Variants in ZNF143 observed in about 807,000 individuals in gnomAD.
The protein encoded by ZNF143 is SPH-binding factor.
A neutral mutation model predicts 74.1 loss-of-function variants in ZNF143; 49 were observed. The ratio of observed to expected loss-of-function variants is 0.66; its 90% CI spans 0.53 to 0.84. The LOEUF (loss-of-function observed/expected upper bound fraction) is 0.84. Among genes scored for constraint, ZNF143 ranks in the 40% least tolerant of loss-of-function variants. ZNF143 has a pLI of 0.00. For synonymous variants in ZNF143, 304 were observed against 282.8 expected (o/e 1.07, Z -0.75); for missense variants, 637 against 793.4 (o/e 0.80, Z 2.37).
intron 11 of ZNF143, among the ~76,000 whole-genome samples, chr11:9,503,965 T>C (rs968285038): frequency 4.5e-5 from 6 of 132,418 alleles, no homozygotes; most frequent in African/African-American, 1.4e-4. Flanking sequence ...TTTTTTTTTT[T>C]TTTTTTTTTT....
At chr11:9,525,502 A>C in intron 15 of ZNF143, 116 bp downstream of exon 15, 14 of 1,335,222 alleles carry the variant, frequency 1.0e-5, no homozygotes, top group African/African-American at 1.4e-5. Context: ...AATAATCTCT[A>C]TCACCTAGCC....
rs1171330322 is a variant in ZNF143 at position 9,485,337 on chromosome 11, TTC to T, written c.645+5801_645+5802del. Among the ~76,000 whole-genome samples the T allele has an allele frequency of 6.0e-5, 9 of 149,492 alleles. 2 individuals are homozygous for T. Among genetic ancestry groups the T allele is most frequent in the South Asian group, 4.2e-4 (2 of 4,788 alleles). Reference sequence around the variant, plus strand: ...AGAAATCTGCTTTGTTGTTGTTTTTTTCTCTCTCTCTTTTTTTTTTTTTTTTT... The same window carrying T: ...AGAAATCTGCTTTGTTGTTGTTTTTTTCTCTCTCTTTTTTTTTTTTTTTTT... On this transcript the variant is annotated intron_variant, in intron 7 of 15. Coordinates refer to ENST00000396602, the MANE Select transcript of ZNF143 (RefSeq NM_003442.6).
chr11:9,509,907 A>T (rs906623965), intron 12 of ZNF143, among the ~76,000 whole-genome samples: 24 of 152,214 alleles, frequency 1.6e-4, no homozygotes, highest in African/African-American at 5.8e-4. Context: ...TCTGCACAGC[A>T]TGTGACTACA....
chr11:9,480,639 A>G (rs975796748), intron 7 of ZNF143, among the ~76,000 whole-genome samples: 3 of 152,146 alleles, frequency 2.0e-5, no homozygotes, highest in African/African-American at 7.2e-5. Flanking sequence ...TAATCCCAGC[A>G]CTTTGGGAGG....
chr11:9,519,254 C>T (rs1166468380), intron 14 of ZNF143, among the ~76,000 whole-genome samples: 1 of 151,580 alleles, frequency 6.6e-6, no homozygotes, highest in Non-Finnish European at 1.5e-5. Flanking sequence ...CTCTGTCACC[C>T]TGGCTGGAGT....
chr11:9,496,257 A>T, intron 8 of ZNF143, 46 bp from the exon 9 acceptor site: 1 of 1,564,438 alleles, frequency 6.4e-7, no homozygotes, highest in Non-Finnish European at 8.8e-7. Flanking sequence ...CATCTTCCTG[A>T]GGAATACGTA....
chr11:9,482,196 T>G lies in ZNF143; in HGVS notation c.645+2650T>G, dbSNP rs868309961. On this transcript the variant is annotated intron_variant, in intron 7 of 15. Coordinates refer to ENST00000396602, the MANE Select transcript of ZNF143 (RefSeq NM_003442.6). ...CATGTTAGCCAGGATGGTCTCGATC[T>G]CCTGACCTCATGATCTGCCTGCCTT... Among the ~76,000 whole-genome samples the G allele has an allele frequency of 2.7e-3, 402 of 146,382 alleles. 3 individuals carry two copies. The highest frequency in any genetic ancestry group is 9.7e-3 in the African/African-American group (360 of 37,270).
intron 7 of ZNF143, among the ~76,000 whole-genome samples, chr11:9,488,371 A>G (rs1316567359): frequency 1.3e-5 from 2 of 152,320 alleles, no homozygotes; most frequent in African/African-American, 4.8e-5. Flanking sequence ...TGTTCAGGGT[A>G]GTATTTATTG....
At chr11:9,463,511 T>A (rs1855997709) in intron 1 of ZNF143, among the ~76,000 whole-genome samples, 1 of 152,228 alleles carries the variant, frequency 6.6e-6, no homozygotes, top group Non-Finnish European at 1.5e-5. Context: ...AGGTTTGGTT[T>A]GCCTGTCTCT....
In ZNF143 at chr11:9,508,818, G is replaced by C; in HGVS notation, c.1347G>C (p.Glu449Asp). 2 of 1,599,850 alleles carry C rather than the reference G, an allele frequency of 1.3e-6. No individual in the cohort carries two copies. The highest frequency in any genetic ancestry group is 1.7e-6 in the Non-Finnish European group (2 of 1,172,536). The stretch of plus-strand genomic sequence containing the variant: ...ACGACACTGAGCCCATCGAGGAGGA[G>C]CAGGAAGCCTTCTTTGAGCCGCCCC... The part of the protein sequence containing the change: ...AHNDTEPIEE[E>D]QEAFFEPPPG... The change falls in exon 12 of 16, where the codon GAG (glutamate) becomes GAC (aspartate). Residue 449 changes from glutamate (E) to aspartate (D), a missense_variant. Glu to Asp is a conservative substitution (Grantham distance 45, BLOSUM62 2). Around this residue, in one of 2 missense-constraint regions of ZNF143, gnomAD observed 344 missense variants for 485.6 expected, o/e 0.71. Transcript: ENST00000396602.
At chr11:9,473,729 T>C (rs1481325080) in intron 3 of ZNF143, 3 of 1,480,202 alleles carry the variant, frequency 2.0e-6, no homozygotes, top group Non-Finnish European at 2.7e-6. Context: ...TAATTGAAAA[T>C]TGCAGGGGAG....
At chr11:9,504,096 G>T (rs1174532834) in intron 11 of ZNF143, among the ~76,000 whole-genome samples, 1 of 149,794 alleles carries the variant, frequency 6.7e-6, no homozygotes, top group Non-Finnish European at 1.5e-5. Context: ...AAGTAGCTGG[G>T]ATTACAGACA....
chr11:9,499,512 A>G (rs937083029), intron 10 of ZNF143, among the ~76,000 whole-genome samples: 2 of 152,202 alleles, frequency 1.3e-5, no homozygotes, highest in Non-Finnish European at 2.9e-5. Flanking sequence ...GTTTCCACCA[A>G]TAGAGAAATC....
In ZNF143 at chr11:9,523,460, G is replaced by A. The variant is rs552996063; in HGVS notation, c.1687-1780G>A. ...GGGTCTTAAGGATTTGAGGCCGGGC[G>A]CGGTGGCTCACGCCTGTAATCCCAG... On this transcript the variant is annotated intron_variant, in intron 14 of 15. Coordinates refer to ENST00000396602, the MANE Select transcript of ZNF143 (RefSeq NM_003442.6). 3.9e-5 allele frequency among the ~76,000 whole-genome samples: 6 copies of A among 152,290 alleles called. No individual in the cohort carries two copies. The South Asian group carries it at 1.0e-3, about 26-fold the overall frequency.
At chr11:9,468,110 C>T (rs1003803939) in intron 1 of ZNF143, among the ~76,000 whole-genome samples, 2 of 152,158 alleles carry the variant, frequency 1.3e-5, no homozygotes, top group East Asian at 1.9e-4. Context: ...GCATCTGTTC[C>T]TCATATTCCC....
intron 1 of ZNF143, among the ~76,000 whole-genome samples, chr11:9,465,656 C>T (rs371438951): frequency 4.0e-5 from 6 of 148,576 alleles, no homozygotes; most frequent in South Asian, 2.1e-4. Context: ...CCCGCCACCA[C>T]GCCTGGCTAA....
rs759581441 is a variant in ZNF143, at chr11:9,516,169, T to C, written c.1525-32T>C. Reference sequence around the variant, plus strand: ...AGATTGTCAGCTATAACAAGAAACATTGACTGCTTTGTAAAATTCACTGTA... The same window carrying C: ...AGATTGTCAGCTATAACAAGAAACACTGACTGCTTTGTAAAATTCACTGTA... On this transcript the variant is annotated intron_variant, in intron 13 of 15. Transcript: ENST00000396602. 3.7e-6 allele frequency: 6 copies of C among 1,608,754 alleles called. No individual in the cohort carries two copies. The Admixed American group carries it at 5.0e-5, about 13-fold the overall frequency.
chr11:9,486,427 T>TATA, intron 7 of ZNF143, among the ~76,000 whole-genome samples: 1 of 48,472 alleles, frequency 2.1e-5, no homozygotes, highest in South Asian at 4.7e-4. Flanking sequence ...ATATTATATA[T>TATA]ATTATATATA....
Position 9,525,285 on chromosome 11 carries a change from T to C in ZNF143, c.1732T>C (p.Ser578Pro). The change falls in exon 15 of 16, where the codon TCA becomes CCA. Residue 578 changes from serine (S) to proline (P), a missense_variant. This residue lies in a region of ZNF143 where 344 missense variants were observed against 485.6 expected (regional missense o/e 0.71). Coordinates refer to ENST00000396602, the MANE Select transcript of ZNF143 (RefSeq NM_003442.6). ...QDLAAFHTAS[S>P]EMGHQQHSHH... ...CTTGGCAGCATTCCATACTGCCTCA[T>C]CAGAAATGGGGCACCAGCAGCATAG... 1 of 1,614,210 alleles carries C rather than the reference T, an allele frequency of 6.2e-7. No individual in the cohort carries two copies. The highest frequency in any genetic ancestry group is 8.5e-7 in the Non-Finnish European group (1 of 1,180,040).
Sources: allele counts gnomAD v4.1 joint callset (sites outside exome capture counted in the v4.1 genomes callset), GRCh38; gene constraint gnomAD v4.1.1; regional missense constraint gnomAD v4.1.1; transcripts MANE v1.5; gene names NCBI Gene and HGNC (gene_info 2026-07-23, HGNC 2026-07-21).